Variants in DOCK1 observed in about 807,000 individuals in gnomAD.
The protein encoded by DOCK1 is dedicator of cytokinesis 1, also known as dedicator of cytokinesis protein 1.
Under a neutral mutation model 262.7 loss-of-function variants are expected in DOCK1, and 138 were observed. That is an observed-to-expected ratio of 0.53 (90% CI 0.46 to 0.61). The LOEUF (loss-of-function observed/expected upper bound fraction) is 0.61. Among genes scored for constraint, DOCK1 ranks in the 20% least tolerant of loss-of-function variants. The pLI is 0.00. For synonymous variants in DOCK1, 866 were observed against 867.4 expected (o/e 1.00, Z 0.03); for missense variants, 1,908 against 2,370.7 (o/e 0.80, Z 4.05).
At chr10:126,993,806 T>C (rs1337227925) in intron 6 of DOCK1, among the ~76,000 whole-genome samples, 1 of 152,228 alleles carries the variant, frequency 6.6e-6, no homozygotes, top group African/African-American at 2.4e-5. Context: ...TTTCTGTATT[T>C]GTCTTCCCAG....
Position 126,905,508 on chromosome 10 carries a change from C to T in DOCK1, c.-10C>T, listed in dbSNP as rs780504348. 9 of 530,712 alleles carry T rather than the reference C, an allele frequency of 1.7e-5. No homozygotes were observed. Among genetic ancestry groups the T allele is most frequent in the Admixed American group, 8.8e-5 (3 of 34,110 alleles). 32.9% of individuals were successfully genotyped at this position (530,712 alleles called of 1,614,324 possible). A position where few individuals can be genotyped will look rare whatever the true frequency, so the allele number is the denominator to read the frequency against. ...TTTCCTGCCCGACCCGCGGCGGCTC[C>T]GGCGGCGCCATGACGCGCTGGGTGC... is the stretch of plus-strand genomic sequence containing the variant. On this transcript the variant is annotated 5_prime_UTR_variant, in exon 1 of 52. Transcript: ENST00000623213.
At position 127,175,341 on chromosome 10, in the gene DOCK1, T is replaced by G; in HGVS notation, c.2847+47577T>G. On this transcript the variant is annotated intron_variant, in intron 27 of 51. Transcript: ENST00000623213. The surrounding 1 kb of genome is among the most constrained non-coding windows in gnomAD (Gnocchi z 6.3). ...TGCTTTGAGGTCGACCACTTCCGTA[T>G]GAGGCACGATTCGTTGGCATTCTTC... is the stretch of plus-strand genomic sequence containing the variant. 1.2e-6 allele frequency: 2 copies of G among 1,614,134 alleles called. No homozygotes were observed. Among genetic ancestry groups the G allele is most frequent in the Non-Finnish European group, 1.7e-6 (2 of 1,180,030 alleles).
At chr10:127,167,524 A>G (rs914763613) in intron 27 of DOCK1, among the ~76,000 whole-genome samples, 2 of 151,948 alleles carry the variant, frequency 1.3e-5, no homozygotes, top group African/African-American at 4.8e-5. Flanking sequence ...CGAAACTTTT[A>G]TGAATATTAT....
intron 27 of DOCK1, among the ~76,000 whole-genome samples, chr10:127,168,951 G>T (rs1254346699): frequency 6.6e-6 from 1 of 152,176 alleles, no homozygotes; most frequent in African/African-American, 2.4e-5. Context: ...CAAATTCAGA[G>T]ATTTCTTATC....
intron 48 of DOCK1, among the ~76,000 whole-genome samples, chr10:127,436,910 A>G (rs993857477): frequency 2.6e-5 from 4 of 151,978 alleles, no homozygotes; most frequent in Admixed American, 2.6e-4. Flanking sequence ...CTTGGTTGAT[A>G]TTATCTCTTT....
At chr10:127,191,899 G>T (rs1295128050) in intron 27 of DOCK1, among the ~76,000 whole-genome samples, 1 of 152,196 alleles carries the variant, frequency 6.6e-6, no homozygotes, top group African/African-American at 2.4e-5. Flanking sequence ...TTGCAAGGCT[G>T]CCTGTAGTAT....
At chr10:127,073,378 C>T (rs936227928) in intron 23 of DOCK1, among the ~76,000 whole-genome samples, 7 of 152,200 alleles carry the variant, frequency 4.6e-5, no homozygotes, top group Non-Finnish European at 1.0e-4. Context: ...AGTCAGAGGA[C>T]TGGCACTACT....
intron 1 of DOCK1, among the ~76,000 whole-genome samples, chr10:126,937,335 T>G (rs2034620198): frequency 6.6e-6 from 1 of 152,208 alleles, no homozygotes; most frequent in Admixed American, 6.5e-5. Context: ...ATTTCACTTA[T>G]TTTGAGTGTG....
At chr10:127,138,069 G>T in intron 27 of DOCK1, 1 of 1,509,456 alleles carries the variant, frequency 6.6e-7, no homozygotes. Flanking sequence ...TTTTCCATAT[G>T]AAGATCCCTC....
At chr10:126,944,639 G>T (rs2035259451) in intron 1 of DOCK1, among the ~76,000 whole-genome samples, 1 of 152,104 alleles carries the variant, frequency 6.6e-6, no homozygotes, top group Admixed American at 6.5e-5. Context: ...TGACTGGGAA[G>T]GAAAAGAAGG....
chr10:127,324,564 C>T (rs1000757803), intron 29 of DOCK1, among the ~76,000 whole-genome samples: 1 of 151,974 alleles, frequency 6.6e-6, no homozygotes, highest in African/African-American at 2.4e-5. Context: ...AGTCACGCCT[C>T]TCTTGGGGGA....
intron 27 of DOCK1, among the ~76,000 whole-genome samples, chr10:127,223,183 T>C (rs1167015480): frequency 6.6e-6 from 1 of 152,234 alleles, no homozygotes; most frequent in Admixed American, 6.5e-5. Flanking sequence ...TTATTTAGTT[T>C]TACTAATCTC....
In DOCK1 at chr10:126,915,742, T is replaced by C. The variant is rs148200890; in HGVS notation, c.46+10179T>C. On this transcript the variant is annotated intron_variant, in intron 1 of 51. Coordinates refer to ENST00000623213, the MANE Select transcript of DOCK1 (RefSeq NM_001290223.2). ...CTGGGATTACAGGCGTGAGCCACCG[T>C]GCCTGGCCTCAGTGTGTCCTGTCCT... 6.0e-3 allele frequency among the ~76,000 whole-genome samples: 915 copies of C among 152,300 alleles called. 6 individuals carry two copies. Among genetic ancestry groups the C allele is most frequent in the South Asian group, 0.021 (103 of 4,822 alleles).
intron 25 of DOCK1, among the ~76,000 whole-genome samples, chr10:127,115,705 G>A (rs1038075417): frequency 3.9e-5 from 6 of 152,220 alleles, no homozygotes; most frequent in Non-Finnish European, 8.8e-5. Context: ...AATGAATCAA[G>A]CTGAGCTAAC....
At chr10:127,236,149 T>A (rs746663063) in intron 27 of DOCK1, among the ~76,000 whole-genome samples, 1 of 152,220 alleles carries the variant, frequency 6.6e-6, no homozygotes, top group Admixed American at 6.5e-5. Context: ...ATTTTAAAAT[T>A]TTATGTTTCA....
intron 6 of DOCK1, among the ~76,000 whole-genome samples, chr10:126,992,746 A>ACACACT (rs1487905313): frequency 0.091 from 12,996 of 143,434 alleles, 664 homozygotes; most frequent in African/African-American, 0.15. Context: ...AGACACACAC[A>ACACACT]CACACACACA....
At chr10:126,989,321 T>C (rs948474626) in intron 5 of DOCK1, among the ~76,000 whole-genome samples, 1 of 152,006 alleles carries the variant, frequency 6.6e-6, no homozygotes, top group African/African-American at 2.4e-5. Context: ...GACATTTAGA[T>C]ACCTTTTTAT....
intron 6 of DOCK1, among the ~76,000 whole-genome samples, chr10:126,994,308 T>C (rs2040010550): frequency 1.1e-4 from 2 of 18,530 alleles, no homozygotes; most frequent in Admixed American, 9.7e-4. Context: ...GTACTGTTTA[T>C]TTATTTATTT....
intron 27 of DOCK1, among the ~76,000 whole-genome samples, chr10:127,180,236 C>T (rs914544880): frequency 1.3e-5 from 2 of 152,194 alleles, no homozygotes; most frequent in African/African-American, 4.8e-5. Context: ...TCCGGTAACA[C>T]AGTGGGTGTT....
Sources: gnomAD v4.1 joint callset for allele counts (sites outside exome capture counted in the v4.1 genomes callset) on GRCh38, gnomAD v4.1.1 for gene constraint, Gnocchi (gnomAD v3.1) non-coding constraint, MANE v1.5 for transcripts, NCBI Gene and HGNC (gene_info 2026-07-23, HGNC 2026-07-21) for gene names.